Variants in PAK2 observed in about 807,000 individuals in gnomAD.
PAK2 encodes p21 (RAC1) activated kinase 2, also known as serine/threonine-protein kinase PAK 2.
PAK2 carries 21 observed loss-of-function variants against 65.9 expected under a neutral mutation model. That is an observed-to-expected ratio of 0.32 (90% CI 0.23 to 0.46). The LOEUF (loss-of-function observed/expected upper bound fraction) is 0.46, where lower values mean the gene tolerates loss of function less well. PAK2 is among the 20% of genes least tolerant of loss of function. The pLI is 1.00. For missense variants in PAK2, 324 were observed against 642.6 expected (o/e 0.50, Z 5.36); for synonymous variants, 204 against 219.7 (o/e 0.93, Z 0.63).
intron 13 of PAK2, among the ~76,000 whole-genome samples, chr3:196,823,335 C>A (rs1240252453): frequency 6.6e-6 from 1 of 152,120 alleles, no homozygotes; most frequent in Admixed American, 6.5e-5. Context: ...AAGAGTCTTA[C>A]AGGGCTGCGT....
chr3:196,796,703 TA>T (rs1204530779), intron 2 of PAK2, among the ~76,000 whole-genome samples: 2 of 152,042 alleles, frequency 1.3e-5, no homozygotes, highest in Non-Finnish European at 2.9e-5. Context: ...AAATCTACTT[TA>T]AAACATAAAG....
intron 13 of PAK2, among the ~76,000 whole-genome samples, chr3:196,824,100 C>T (rs1174551382): frequency 3.9e-5 from 6 of 152,160 alleles, no homozygotes; most frequent in Non-Finnish European, 7.3e-5. Context: ...GCACATGGCT[C>T]TAAGACCAGG....
At chr3:196,783,353 T>G (rs1714773774) in intron 2 of PAK2, among the ~76,000 whole-genome samples, 1 of 152,140 alleles carries the variant, frequency 6.6e-6, no homozygotes, top group African/African-American at 2.4e-5. Flanking sequence ...ACCTCAACAC[T>G]ATTGACATCT....
At chr3:196,806,967 A>C (rs1715604847) in intron 6 of PAK2, among the ~76,000 whole-genome samples, 2 of 152,078 alleles carry the variant, frequency 1.3e-5, no homozygotes. Context: ...CTATTTCCCA[A>C]GCTTTCTCTG....
chr3:196,826,347 AT>A (rs1373790203), intron 13 of PAK2, among the ~76,000 whole-genome samples: 13 of 150,904 alleles, frequency 8.6e-5, no homozygotes, highest in African/African-American at 1.7e-4. Context: ...AATTTTTTGT[AT>A]TTTTTAGTAG....
At chr3:196,775,475 C>T (rs369434188) in intron 1 of PAK2, among the ~76,000 whole-genome samples, 78 of 152,136 alleles carry the variant, frequency 5.1e-4, no homozygotes, top group African/African-American at 1.4e-3. Flanking sequence ...CTCCGCCTCC[C>T]GGGTTCAAGC....
intron 13 of PAK2, among the ~76,000 whole-genome samples, chr3:196,825,221 C>G (rs1711804395): frequency 7.4e-6 from 1 of 134,302 alleles, no homozygotes; most frequent in African/African-American, 3.1e-5. Flanking sequence ...TGGTGCATGC[C>G]TGTACTCCCA....
intron 13 of PAK2, among the ~76,000 whole-genome samples, chr3:196,821,596 T>A (rs963001445): frequency 6.6e-6 from 1 of 151,734 alleles, no homozygotes; most frequent in Non-Finnish European, 1.5e-5. Flanking sequence ...GGCAGGAGGA[T>A]CACTTGAACC....
chr3:196,820,343 A>G lies in PAK2; in HGVS notation c.1154-28A>G, dbSNP rs780557278. On this transcript the variant is annotated intron_variant, in intron 12 of 14. Transcript: ENST00000327134. The surrounding 1 kb of genome is among the most constrained non-coding windows in gnomAD (Gnocchi z 4.6). ...TCTGCTAAAACCATCCATGGAAGCCATTAACTCTGTTTTGTTTTGTTTTGT... is the reference window on the plus strand; with the variant it reads ...TCTGCTAAAACCATCCATGGAAGCCGTTAACTCTGTTTTGTTTTGTTTTGT... 6.8e-7 allele frequency: 1 copy of G among 1,460,898 alleles called. No homozygotes were observed. Among genetic ancestry groups the G allele is most frequent in the South Asian group, 1.3e-5 (1 of 74,420 alleles). 90.5% of individuals were successfully genotyped at this position (1,460,898 alleles called of 1,614,324 possible).
At chr3:196,767,089 T>C (rs975974314) in intron 1 of PAK2, among the ~76,000 whole-genome samples, 5 of 147,692 alleles carry the variant, frequency 3.4e-5, no homozygotes, top group Non-Finnish European at 6.0e-5. Flanking sequence ...TGGCAGTATA[T>C]GGAGCTATTT....
chr3:196,800,577 G>GT (rs1370627173), intron 2 of PAK2, among the ~76,000 whole-genome samples: 1 of 152,144 alleles, frequency 6.6e-6, no homozygotes, highest in African/African-American at 2.4e-5. Context: ...ATGTGACATA[G>GT]TTTCAATGCG....
chr3:196,782,859 G>GTC, intron 2 of PAK2, 26 bp downstream of exon 2: 1 of 1,500,782 alleles, frequency 6.7e-7, no homozygotes, highest in Non-Finnish European at 9.2e-7. Flanking sequence ...GGCTTTCAGA[G>GTC]TCTCAGCATT....
chr3:196,773,314 T>C (rs888971263), intron 1 of PAK2, among the ~76,000 whole-genome samples: 5 of 152,154 alleles, frequency 3.3e-5, no homozygotes, highest in African/African-American at 1.2e-4. Flanking sequence ...ATAAGGTAAA[T>C]CAGTATTTTA....
chr3:196,823,463 T>C (rs1365020960), intron 13 of PAK2, among the ~76,000 whole-genome samples: 4 of 152,010 alleles, frequency 2.6e-5, no homozygotes, highest in Non-Finnish European at 2.9e-5. Context: ...GCCAAGCTCC[T>C]ATCAGCAGAT....
intron 2 of PAK2, among the ~76,000 whole-genome samples, chr3:196,797,110 A>G (rs930790351): frequency 1.3e-5 from 2 of 152,182 alleles, no homozygotes; most frequent in African/African-American, 4.8e-5. Context: ...AGAACACTCC[A>G]CACAATAACA....
chr3:196,741,370 T>G (rs1018103017), intron 1 of PAK2, among the ~76,000 whole-genome samples: 2 of 152,236 alleles, frequency 1.3e-5, no homozygotes, highest in African/African-American at 4.8e-5. Flanking sequence ...TTAAAACTTG[T>G]CAACTTTGCC....
At chr3:196,763,971 T>C (rs1223420786) in intron 1 of PAK2, among the ~76,000 whole-genome samples, 2 of 150,786 alleles carry the variant, frequency 1.3e-5, no homozygotes, top group East Asian at 2.0e-4. Context: ...GCTATTTTTT[T>C]TTTTTTTTGT....
chr3:196,807,993 C>G (rs1457598820), intron 7 of PAK2, 79 bp downstream of exon 7: 8 of 1,380,084 alleles, frequency 5.8e-6, no homozygotes, highest in East Asian at 2.3e-5. Flanking sequence ...TTTTAACTTA[C>G]ACTTTACATT....
At chr3:196,743,342 A>G (rs570812144) in intron 1 of PAK2, among the ~76,000 whole-genome samples, 18 of 152,232 alleles carry the variant, frequency 1.2e-4, no homozygotes, top group African/African-American at 4.1e-4. Context: ...TTGCTGTTCT[A>G]CTTTACCCTG....
Sources: allele counts gnomAD v4.1 joint callset (sites outside exome capture counted in the v4.1 genomes callset), GRCh38; gene constraint gnomAD v4.1.1; non-coding constraint Gnocchi (gnomAD v3.1); transcripts MANE v1.5; gene names NCBI Gene and HGNC (gene_info 2026-07-23, HGNC 2026-07-21).